The following PAM variants were observed in gnomAD, a reference collection of about 807,000 sequenced individuals.
The protein encoded by PAM is peptidylglycine alpha-amidating monooxygenase, also known as peptidyl-glycine alpha-amidating monooxygenase.
PAM carries 72 observed loss-of-function variants against 122.1 expected under a neutral mutation model. The ratio of observed to expected loss-of-function variants is 0.59; its 90% CI spans 0.49 to 0.72. PAM has a LOEUF of 0.72. Among genes scored for constraint, PAM ranks in the 30% least tolerant of loss-of-function variants. PAM has a pLI of 0.00. For synonymous variants in PAM, 389 were observed against 404.4 expected (o/e 0.96, Z 0.46); for missense variants, 1,106 against 1,183.7 (o/e 0.93, Z 0.96).
chr5:102,921,600 T>C (rs1290861279), intron 5 of PAM, among the ~76,000 whole-genome samples: 3 of 152,186 alleles, frequency 2.0e-5, no homozygotes, highest in Admixed American at 6.5e-5. Context: ...AACAGGGTTT[T>C]AAAAATTAAA....
intron 15 of PAM, among the ~76,000 whole-genome samples, chr5:102,977,485 C>G (rs968708324): frequency 3.3e-5 from 5 of 151,968 alleles, no homozygotes; most frequent in African/African-American, 1.2e-4. Flanking sequence ...ATCTTCATGA[C>G]TTTTGGTGAA....
intron 3 of PAM, among the ~76,000 whole-genome samples, chr5:102,891,408 G>A (rs1183358640): frequency 6.6e-6 from 1 of 151,850 alleles, no homozygotes; most frequent in Non-Finnish European, 1.5e-5. Flanking sequence ...CAAAGCTAAG[G>A]ATGCAAATCT....
intron 1 of PAM, among the ~76,000 whole-genome samples, chr5:102,843,773 C>T (rs1779273892): frequency 6.6e-6 from 1 of 152,048 alleles, no homozygotes; most frequent in African/African-American, 2.4e-5. Context: ...ACATCATTAG[C>T]CATTAGGGAA....
chr5:103,001,051 A>G (rs1272771388), intron 16 of PAM, among the ~76,000 whole-genome samples: 1 of 152,174 alleles, frequency 6.6e-6, no homozygotes, highest in Non-Finnish European at 1.5e-5. Flanking sequence ...CCTTAAAAAG[A>G]GATAGTGAAT....
chr5:102,957,478 A>T (rs1390001758), intron 12 of PAM, among the ~76,000 whole-genome samples: 1 of 150,432 alleles, frequency 6.6e-6, no homozygotes, highest in African/African-American at 2.4e-5. Flanking sequence ...ATAGCCCAAC[A>T]TTTTCATTTG....
At position 102,961,203 on chromosome 5, in the gene PAM, GAGAAGA is replaced by G. The variant is rs747327280; in HGVS notation, c.1145_1150del (p.Glu382_Glu383del). 3 of 1,577,814 alleles carry G rather than the reference GAGAAGA, an allele frequency of 1.9e-6. No individual in the cohort carries two copies. The highest frequency in any genetic ancestry group is 1.7e-6 in the Non-Finnish European group (2 of 1,147,904). ...ATTCCTTTACTACAGCAGCCAAAACGAGAAGAAGAAGAAGTGTTAGACCAGGGTATG... is the reference window on the plus strand; with the variant it reads ...ATTCCTTTACTACAGCAGCCAAAACGAGAAGAAGTGTTAGACCAGGGTATG... On this transcript the variant is annotated inframe_deletion, in exon 14 of 26. Coordinates refer to ENST00000438793, the MANE Select transcript of PAM (RefSeq NM_001177306.2).
intron 1 of PAM, among the ~76,000 whole-genome samples, chr5:102,759,565 T>C (rs1048812990): frequency 1.1e-4 from 17 of 152,348 alleles, no homozygotes; most frequent in African/African-American, 4.1e-4. Context: ...ATTCATATTT[T>C]ATAAATATGA....
rs539269945 is a variant in PAM, at chr5:102,875,266, C to T, written c.210+7873C>T. Among the ~76,000 whole-genome samples the T allele has an allele frequency of 3.3e-5, 5 of 152,110 alleles. No individual in the cohort carries two copies. In the South Asian group the frequency reaches 1.0e-3, roughly 32 times the overall value. ...TGAATGCAGTGGTACAGTCAAAGCT[C>T]ACTGCTACCTCAACCTCCTGGGCTC... On this transcript the variant is annotated intron_variant, in intron 3 of 25. Coordinates refer to ENST00000438793, the MANE Select transcript of PAM (RefSeq NM_001177306.2).
chr5:102,756,881 T>C (rs527930916), intron 1 of PAM, among the ~76,000 whole-genome samples: 2 of 152,324 alleles, frequency 1.3e-5, no homozygotes, highest in Admixed American at 6.5e-5. Flanking sequence ...TTTAAAGATA[T>C]AAAGATATAG....
intron 1 of PAM, among the ~76,000 whole-genome samples, chr5:102,845,340 C>T (rs1178212858): frequency 6.6e-6 from 1 of 152,112 alleles, no homozygotes; most frequent in African/African-American, 2.4e-5. Flanking sequence ...TATTTATATA[C>T]ACAGATAAGT....
In PAM at chr5:102,774,292, G is replaced by A. The variant is rs74769709; in HGVS notation, c.-374+18944G>A. ...TAGCTCATTGAGGAATTGCCATACT[G>A]CTTCTGATTTCCACAATGGTTGAAC... On this transcript the variant is annotated intron_variant, in intron 1 of 25. Transcript: ENST00000438793. Among the ~76,000 whole-genome samples the A allele has an allele frequency of 5.7e-3, 868 of 152,152 alleles. 8 individuals are homozygous for A. Among genetic ancestry groups the A allele is most frequent in the African/African-American group, 0.02 (836 of 41,508 alleles).
intron 3 of PAM, among the ~76,000 whole-genome samples, chr5:102,873,024 A>G (rs1581179524): frequency 6.6e-6 from 1 of 152,116 alleles, no homozygotes; most frequent in South Asian, 2.1e-4. Context: ...ATGACATACA[A>G]TTTACCTGTA....
intron 1 of PAM, chr5:102,865,383 G>A (rs751955455): frequency 6.6e-6 from 1 of 152,258 alleles, no homozygotes; most frequent in East Asian, 1.9e-4. Flanking sequence ...CCAGTGCTTT[G>A]TCTTTGCCTC....
chr5:103,018,435 G>C (rs556047856), intron 22 of PAM, among the ~76,000 whole-genome samples: 4 of 152,158 alleles, frequency 2.6e-5, no homozygotes, highest in African/African-American at 9.7e-5. Flanking sequence ...TTTGTAGTCA[G>C]AACTATCCTT....
intron 7 of PAM, among the ~76,000 whole-genome samples, chr5:102,930,998 G>A (rs896185606): frequency 5.3e-5 from 8 of 152,092 alleles, no homozygotes; most frequent in African/African-American, 1.7e-4. Context: ...CCCTCGCTGA[G>A]TTTCTAAACC....
In PAM at chr5:102,988,593, G is replaced by A. The variant is rs115948825; in HGVS notation, c.1484-1679G>A. 4.3e-3 allele frequency among the ~76,000 whole-genome samples: 637 copies of A among 146,900 alleles called. 6 individuals are homozygous for A. Among genetic ancestry groups the A allele is most frequent in the African/African-American group, 0.014 (562 of 39,178 alleles). On this transcript the variant is annotated intron_variant, in intron 15 of 25. Transcript: ENST00000438793. ...GAAGATGCTTCAGAAAAAAAAGAAG[G>A]AAAGGAAAGGGAAAGGGAGGAAAGG...
intron 7 of PAM, among the ~76,000 whole-genome samples, chr5:102,934,560 TCCC>T (rs1752640097): frequency 6.6e-6 from 1 of 152,136 alleles, no homozygotes; most frequent in Non-Finnish European, 1.5e-5. Context: ...CTTTTTTCTC[TCCC>T]TGACTCCCAT....
At position 102,908,764 on chromosome 5, in the gene PAM, G is replaced by GA. The variant is rs1016593287; in HGVS notation, c.269-5160dup. Among the ~76,000 whole-genome samples the GA allele has an allele frequency of 1.9e-3, 277 of 148,370 alleles. 5 individuals carry two copies. The East Asian group carries it at 0.019, about 10-fold the overall frequency. ...AAATAAATAAATAGTCTTTGCCCTG[G>GA]AAAAAAAAAATGTTCCAGGAAAAGG... On this transcript the variant is annotated intron_variant, in intron 4 of 25. Transcript: ENST00000438793.
At chr5:102,766,146 C>T (rs1753872778) in intron 1 of PAM, among the ~76,000 whole-genome samples, 1 of 152,158 alleles carries the variant, frequency 6.6e-6, no homozygotes, top group African/African-American at 2.4e-5. Context: ...GGACCGGTTT[C>T]ATGGAAGACA....
Sources: gnomAD v4.1 joint callset for allele counts (sites outside exome capture counted in the v4.1 genomes callset) on GRCh38, gnomAD v4.1.1 for gene constraint, MANE v1.5 for transcripts, NCBI Gene and HGNC (gene_info 2026-07-23, HGNC 2026-07-21) for gene names.